Variants in DRC10 observed in about 807,000 individuals in gnomAD.
DRC10 encodes dynein regulatory complex subunit 10.
the DRC10 span, among the ~76,000 whole-genome samples, chr12:113,217,787 C>G: frequency 6.6e-6 from 1 of 152,234 alleles, no homozygotes; most frequent in African/African-American, 2.4e-5. Flanking sequence ...CTTCCTTGGC[C>G]TCCCAAAGTG....
At chr12:113,218,343 C>T in the DRC10 span, among the ~76,000 whole-genome samples, 1 of 152,076 alleles carries the variant, frequency 6.6e-6, no homozygotes, top group East Asian at 1.9e-4. Flanking sequence ...GGGGTTTCTC[C>T]ATGTTGGTCA....
chr12:113,205,480 G>C, the DRC10 span, among the ~76,000 whole-genome samples: 1 of 151,780 alleles, frequency 6.6e-6, no homozygotes, highest in African/African-American at 2.4e-5. Flanking sequence ...ATGAAATAGA[G>C]GTTCCTCTTC....
the DRC10 span, among the ~76,000 whole-genome samples, chr12:113,216,445 G>C: frequency 6.6e-6 from 1 of 152,314 alleles, no homozygotes; most frequent in African/African-American, 2.4e-5. Flanking sequence ...TTACTACAAT[G>C]ATGGATACCA....
chr12:113,196,408 C>T, the DRC10 span, among the ~76,000 whole-genome samples: 1 of 152,276 alleles, frequency 6.6e-6, no homozygotes, highest in Non-Finnish European at 1.5e-5. Flanking sequence ...AGAGTTCTTC[C>T]TTATGTCTAA....
the DRC10 span, among the ~76,000 whole-genome samples, chr12:113,205,233 A>T: frequency 4.4e-3 from 651 of 149,032 alleles, 10 homozygotes; most frequent in African/African-American, 0.014. Context: ...TTTTTTTTTA[A>T]AAAAAAAAAG....
the DRC10 span, among the ~76,000 whole-genome samples, chr12:113,204,909 T>C: frequency 6.6e-6 from 1 of 151,292 alleles, no homozygotes; most frequent in African/African-American, 2.4e-5. Context: ...AGCTTGGGCA[T>C]AGAGTAAGAC....
At chr12:113,215,418 A>G in the DRC10 span, among the ~76,000 whole-genome samples, 1 of 152,222 alleles carries the variant, frequency 6.6e-6, no homozygotes, top group South Asian at 2.1e-4. Context: ...CAACACTTTA[A>G]TGTTTCTTAA....
chr12:113,217,407 A>G, the DRC10 span, among the ~76,000 whole-genome samples: 10 of 152,014 alleles, frequency 6.6e-5, no homozygotes, highest in Non-Finnish European at 1.2e-4. Context: ...CTCAGTGACT[A>G]TTTTTGTAAA....
chr12:113,207,228 A>G, the DRC10 span: 7 of 625,886 alleles, frequency 1.1e-5, no homozygotes, highest in South Asian at 1.3e-4. Flanking sequence ...TACGCCTGTA[A>G]TCCCAACTAC....
At chr12:113,218,813 A>G in the DRC10 span, among the ~76,000 whole-genome samples, 1 of 152,184 alleles carries the variant, frequency 6.6e-6, no homozygotes, top group Non-Finnish European at 1.5e-5. Flanking sequence ...TCATTCCTGA[A>G]TAGTATTTTA....
the DRC10 span, among the ~76,000 whole-genome samples, chr12:113,202,345 G>T: frequency 2.0e-5 from 3 of 151,080 alleles, no homozygotes; most frequent in African/African-American, 7.4e-5. Flanking sequence ...ATGCTTTAAA[G>T]GACAAATTCA....
chr12:113,200,748 TGA>T, the DRC10 span: 1 of 1,536,088 alleles, frequency 6.5e-7, no homozygotes, highest in Non-Finnish European at 8.7e-7. Flanking sequence ...GGCTGTTCTC[TGA>T]GAACTTGAGC....
At chr12:113,196,027 TC>T in the DRC10 span, 2 of 1,310,764 alleles carry the variant, frequency 1.5e-6, no homozygotes, top group Non-Finnish European at 2.0e-6. Flanking sequence ...CATCTCTCGG[TC>T]CCAGTGACAT....
the DRC10 span, among the ~76,000 whole-genome samples, chr12:113,220,716 G>C: frequency 7.9e-5 from 12 of 152,244 alleles, no homozygotes; most frequent in South Asian, 1.2e-3. Context: ...CTTGAAATAA[G>C]TTAACTACGA....
chr12:113,196,627 A>G, the DRC10 span, among the ~76,000 whole-genome samples: 11 of 152,186 alleles, frequency 7.2e-5, no homozygotes, highest in Admixed American at 7.2e-4. Flanking sequence ...ATGGTTGCCC[A>G]GGACAAGGTT....
chr12:113,206,488 C>T, the DRC10 span, among the ~76,000 whole-genome samples: 2 of 152,012 alleles, frequency 1.3e-5, no homozygotes, highest in Non-Finnish European at 2.9e-5. Flanking sequence ...CTGTTCCAGC[C>T]AATGGAAACT....
the DRC10 span, among the ~76,000 whole-genome samples, chr12:113,198,461 T>C: frequency 1.3e-5 from 2 of 152,104 alleles, no homozygotes; most frequent in Non-Finnish European, 2.9e-5. Flanking sequence ...TAAAAAGCAG[T>C]GAAGCACTGA....
chr12:113,198,427 GT>G, the DRC10 span, among the ~76,000 whole-genome samples: 1 of 152,144 alleles, frequency 6.6e-6, no homozygotes, highest in African/African-American at 2.4e-5. Context: ...ATCTAATCTT[GT>G]TTTTAAAAGA....
At chr12:113,196,515 G>A in the DRC10 span, among the ~76,000 whole-genome samples, 1 of 152,178 alleles carries the variant, frequency 6.6e-6, no homozygotes, top group Non-Finnish European at 1.5e-5. Flanking sequence ...AGAGGACACA[G>A]AGCTGGGTGG....
Sources: allele counts gnomAD v4.1 joint callset (sites outside exome capture counted in the v4.1 genomes callset), GRCh38; gene constraint gnomAD v4.1.1; transcripts MANE v1.5; gene names NCBI Gene and HGNC (gene_info 2026-07-23, HGNC 2026-07-21).